The following SLC44A3 variants were observed in gnomAD, a reference collection of about 807,000 sequenced individuals.
SLC44A3 encodes the protein solute carrier family 44 member 3.
SLC44A3 carries 74 observed loss-of-function variants against 75.4 expected under a neutral mutation model. The observed-to-expected ratio is 0.98, with a 90% CI of 0.81 to 1.19. The LOEUF is 1.19. Among genes scored for constraint, SLC44A3 ranks in the 50% most tolerant of loss-of-function variants. SLC44A3 has a pLI of 0.00. For synonymous variants in SLC44A3, 310 were observed against 296.9 expected, an observed-to-expected ratio of 1.04 and a Z score of -0.45; for missense variants, 700 against 778.6, an observed-to-expected ratio of 0.90 and a Z score of 1.20.
intron 12 of SLC44A3, among the ~76,000 whole-genome samples, chr1:94,871,391 C>T (rs698955): frequency 1 from 152,139 of 152,332 alleles, 75,974 homozygotes; most frequent in Middle Eastern, 1. Context: ...GTTGGCTGGC[C>T]ATTCTCAGAG....
Position 94,891,237 on chromosome 1 carries a change from C to T in SLC44A3, c.1590C>T (p.Cys530=), listed in dbSNP as rs542032889. The change falls in exon 13 of 15, where the codon TGC becomes TGT. Residue 530 remains cysteine, a synonymous_variant. Transcript: ENST00000271227. ...KNSSHFTSIN[C]FGDFIIFLGK... Reference sequence around the variant, plus strand: ...CAAGTCACTTTACATCTATTAACTGCTTTGGAGACTTCATAATTTTTCTAG... The same window carrying T: ...CAAGTCACTTTACATCTATTAACTGTTTTGGAGACTTCATAATTTTTCTAG... The T allele has an allele frequency of 3.1e-5, 50 of 1,609,328 alleles. 3 individuals are homozygous for T. In the South Asian group the frequency reaches 5.3e-4, roughly 17 times the overall value.
rs146768701 is a variant in SLC44A3 at position 94,857,383 on chromosome 1, C to T, written c.1121C>T (p.Ser374Leu). The T allele has an allele frequency of 2.1e-4, 344 of 1,613,428 alleles. 2 individuals are homozygous for T. In the African/African-American group the frequency reaches 3.1e-3, roughly 15 times the overall value. ...GGCCAAGTGGAATATAAGCCCCTTT[C>T]GGGCATTCGGTACATGTGGTCGTAC... ...EGGQVEYKPLSGIRYMWSYHL... is the reference protein window; with the variant it reads ...EGGQVEYKPLLGIRYMWSYHL... Residue 374 changes from serine to leucine, a missense_variant, in exon 10 of 15, where the codon TCG (serine) becomes TTG (leucine). By Grantham distance (145) the Ser-to-Leu change is moderately radical. Coordinates refer to ENST00000271227, the MANE Select transcript of SLC44A3 (RefSeq NM_001114106.3).
At chr1:94,827,048 C>A (rs1156686430) in intron 3 of SLC44A3, among the ~76,000 whole-genome samples, 1 of 152,214 alleles carries the variant, frequency 6.6e-6, no homozygotes, top group Non-Finnish European at 1.5e-5. Flanking sequence ...AAAAGACAAG[C>A]CTTTGGTTCC....
chr1:94,891,177 A>C lies in SLC44A3; in HGVS notation c.1530A>C (p.Ser510=). ...TAINGTDFCT[S]AKDAFKILSK... ...TTAATGGGACAGATTTCTGTACATC[A>C]GCAAAAGATGCATTCAAAATCTTGT... Residue 510 remains serine, a synonymous_variant, in exon 13 of 15, where the codon TCA becomes TCC. Transcript: ENST00000271227. 1 of 1,613,576 alleles carries C rather than the reference A, an allele frequency of 6.2e-7. No individual in the cohort carries two copies.
chr1:94,821,811 T>C (rs549173092), intron 2 of SLC44A3, among the ~76,000 whole-genome samples: 6 of 152,320 alleles, frequency 3.9e-5, no homozygotes, highest in East Asian at 1.9e-4. Context: ...AACTACCAGA[T>C]AGTAATTACC....
rs944648662 is a variant in SLC44A3 at position 94,820,872 on chromosome 1, G to C, written c.28-77G>C. ...AGATTGGTTACTTTGGCCCCTCTTC[G>C]AGTAGATTTGGGTTCGGTTTCCAGG... On this transcript the variant is annotated intron_variant, in intron 1 of 14. Transcript: ENST00000271227. 3 of 1,382,646 alleles carry C rather than the reference G, an allele frequency of 2.2e-6. No individual in the cohort carries two copies. In the Admixed American group the frequency reaches 7.6e-5, roughly 35 times the overall value. The allele number at this position is 1,382,646 out of a possible 1,614,324, so 85.6% of individuals were successfully genotyped here. A position where few individuals can be genotyped will look rare whatever the true frequency, so the allele number is the denominator to read the frequency against.
chr1:94,857,679 C>T (rs1666060876), intron 10 of SLC44A3, among the ~76,000 whole-genome samples, 179 bp downstream of exon 10: 3 of 152,146 alleles, frequency 2.0e-5, no homozygotes, highest in African/African-American at 4.8e-5. Context: ...AGAAATATTA[C>T]ACCCTAAATC....
chr1:94,868,461 TA>T (rs1345220094), intron 12 of SLC44A3, among the ~76,000 whole-genome samples: 2 of 152,200 alleles, frequency 1.3e-5, no homozygotes, highest in African/African-American at 4.8e-5. Flanking sequence ...GAGAACATTT[TA>T]GAGTATATTT....
At chr1:94,856,641 G>A (rs753500621) in intron 9 of SLC44A3, among the ~76,000 whole-genome samples, 13 of 152,226 alleles carry the variant, frequency 8.5e-5, no homozygotes, top group Admixed American at 2.0e-4. Context: ...GGAAAACTAC[G>A]GATTTTTAGA....
chr1:94,887,824 G>T (rs752869354), intron 12 of SLC44A3, among the ~76,000 whole-genome samples: 6 of 152,078 alleles, frequency 3.9e-5, no homozygotes, highest in Non-Finnish European at 7.4e-5. Context: ...ACGATGCTGG[G>T]GGCTGGCAGG....
chr1:94,861,904 T>C (rs1377795191), intron 10 of SLC44A3, among the ~76,000 whole-genome samples: 1 of 152,150 alleles, frequency 6.6e-6, no homozygotes, highest in Non-Finnish European at 1.5e-5. Context: ...TTCAGGGTGG[T>C]GGAGGGACAC....
At chr1:94,884,288 C>CG (rs34339134) in intron 12 of SLC44A3, among the ~76,000 whole-genome samples, 108,062 of 151,982 alleles carry the variant, frequency 0.71, 39,638 homozygotes, top group Non-Finnish European at 0.81. Flanking sequence ...GGGATCTGAA[C>CG]GGTGAATGCA....
At chr1:94,828,452 A>C (rs768432364) in intron 4 of SLC44A3, 41 bp from the exon 5 acceptor site, 1 of 1,547,222 alleles carries the variant, frequency 6.5e-7, no homozygotes, top group South Asian at 1.2e-5. Context: ...TTACTGACTC[A>C]CCTGGAAAGA....
At chr1:94,887,087 C>G (rs1669670706) in intron 12 of SLC44A3, among the ~76,000 whole-genome samples, 1 of 152,022 alleles carries the variant, frequency 6.6e-6, no homozygotes, top group South Asian at 2.1e-4. Context: ...GTTTCCTAGT[C>G]CTTATTATGG....
intron 12 of SLC44A3, among the ~76,000 whole-genome samples, chr1:94,884,617 ATGGTTTTTGGCAAATACCT>A (rs1347729699): frequency 6.6e-6 from 1 of 152,172 alleles, no homozygotes; most frequent in Non-Finnish European, 1.5e-5. Context: ...TATTCATGGC[ATGGTTTTTGGCAAATACCT>A]TCCCTCCACT....
chr1:94,828,693 C>T, intron 5 of SLC44A3, 107 bp downstream of exon 5: 1 of 963,932 alleles, frequency 1.0e-6, no homozygotes, highest in Non-Finnish European at 1.6e-6. Flanking sequence ...TCAGAAGAGC[C>T]CCTGCCTGCA....
Position 94,857,411 on chromosome 1 carries a change from T to C in SLC44A3, c.1149T>C (p.His383=). ...LSGIRYMWSY[H]LIGLIWTSEF... Reference sequence around the variant, plus strand: ...GCATTCGGTACATGTGGTCGTACCATTTAATTGGCCTCATCTGGACTAGTG... The same window carrying C: ...GCATTCGGTACATGTGGTCGTACCACTTAATTGGCCTCATCTGGACTAGTG... The change falls in exon 10 of 15, where the codon CAT becomes CAC. Residue 383 remains histidine, a synonymous_variant. Transcript: ENST00000271227. 3 of 1,614,202 alleles carry C rather than the reference T, an allele frequency of 1.9e-6. No homozygotes were observed. Among genetic ancestry groups the C allele is most frequent in the Non-Finnish European group, 2.5e-6 (3 of 1,180,026 alleles).
intron 12 of SLC44A3, among the ~76,000 whole-genome samples, chr1:94,878,874 A>C (rs1242427182): frequency 6.6e-6 from 1 of 152,240 alleles, no homozygotes; most frequent in Non-Finnish European, 1.5e-5. Context: ...GGAAAACCAG[A>C]TATCCACAAG....
chr1:94,867,215 G>A (rs772731238), intron 11 of SLC44A3, 116 bp from the exon 12 acceptor site: 19 of 743,096 alleles, frequency 2.6e-5, no homozygotes, highest in African/African-American at 5.4e-5. Flanking sequence ...CTTCTCCCAC[G>A]CCACCAGTGT....
Sources: gnomAD v4.1 joint callset for allele counts (sites outside exome capture counted in the v4.1 genomes callset) on GRCh38, gnomAD v4.1.1 for gene constraint, MANE v1.5 for transcripts, NCBI Gene and HGNC (gene_info 2026-07-23, HGNC 2026-07-21) for gene names.